ASCC3: variants seen among roughly 807,000 people sequenced by gnomAD.
The protein encoded by ASCC3 is activating signal cointegrator 1 complex subunit 3.
A neutral mutation model predicts 256.3 loss-of-function variants in ASCC3; 158 were observed. That is an observed-to-expected ratio of 0.62 (90% CI 0.54 to 0.70). ASCC3 has a LOEUF of 0.70. ASCC3 is among the 30% of genes least tolerant of loss of function. ASCC3 has a pLI of 0.00. For synonymous variants in ASCC3, 948 were observed against 883.4 expected, an observed-to-expected ratio of 1.07 and a Z score of -1.30; for missense variants, 2,259 against 2,626.0, an observed-to-expected ratio of 0.86 and a Z score of 3.05.
At chr6:100,824,567 T>C (rs1362810317) in intron 4 of ASCC3, among the ~76,000 whole-genome samples, 1 of 152,162 alleles carries the variant, frequency 6.6e-6, no homozygotes, top group Non-Finnish European at 1.5e-5. Context: ...GTCAGGCAGA[T>C]TATGGAATTA....
chr6:100,753,405 A>G (rs1362566160), intron 10 of ASCC3, among the ~76,000 whole-genome samples: 2 of 151,968 alleles, frequency 1.3e-5, no homozygotes, highest in African/African-American at 4.8e-5. Context: ...TTAGCATCCA[A>G]TGAAAAAAAC....
At chr6:100,515,787 G>C (rs1773992426) in intron 39 of ASCC3, among the ~76,000 whole-genome samples, 1 of 152,168 alleles carries the variant, frequency 6.6e-6, no homozygotes, top group African/African-American at 2.4e-5. Flanking sequence ...TGAAGAGAGG[G>C]AGTAGAAGGC....
At chr6:100,639,773 C>A (rs544475405) in intron 24 of ASCC3, among the ~76,000 whole-genome samples, 5 of 152,104 alleles carry the variant, frequency 3.3e-5, no homozygotes, top group Admixed American at 3.3e-4. Flanking sequence ...TGAGGGCTAA[C>A]GACATACTTT....
intron 8 of ASCC3, among the ~76,000 whole-genome samples, chr6:100,767,554 G>A (rs1238437041): frequency 2.0e-5 from 3 of 152,070 alleles, no homozygotes; most frequent in Non-Finnish European, 2.9e-5. Context: ...ATGGCAACTC[G>A]ATAAATTTGA....
chr6:100,542,714 C>T (rs1235109739), intron 36 of ASCC3, among the ~76,000 whole-genome samples: 1 of 151,418 alleles, frequency 6.6e-6, no homozygotes, highest in Non-Finnish European at 1.5e-5. Flanking sequence ...AAAAGAAAAA[C>T]AACTGTCAAT....
chr6:100,526,923 T>C lies in ASCC3; in HGVS notation c.5776-8781A>G, dbSNP rs75954891. ...ACATTAATACTTACAATAAGTAAAC[T>C]ACATTTGTTTGTGGATAATTCAGAT... On this transcript the variant is annotated intron_variant, in intron 37 of 41. Coordinates refer to ENST00000369162, the MANE Select transcript of ASCC3 (RefSeq NM_006828.4). Among the ~76,000 whole-genome samples, 806 of 152,298 alleles carry C rather than the reference T, an allele frequency of 5.3e-3. 9 individuals are homozygous for C. Among genetic ancestry groups the C allele is most frequent in the African/African-American group, 0.019 (775 of 41,570 alleles).
chr6:100,738,180 C>G (rs751557464), intron 10 of ASCC3, among the ~76,000 whole-genome samples: 13 of 152,190 alleles, frequency 8.5e-5, no homozygotes, highest in Non-Finnish European at 1.8e-4. Flanking sequence ...TCCATTCACT[C>G]TGAAAATAGT....
intron 8 of ASCC3, among the ~76,000 whole-genome samples, chr6:100,781,807 T>C (rs998508768): frequency 3.3e-5 from 5 of 152,032 alleles, no homozygotes; most frequent in African/African-American, 1.2e-4. Flanking sequence ...TAGCATATCA[T>C]GGAATTTCCC....
intron 2 of ASCC3, among the ~76,000 whole-genome samples, chr6:100,865,514 GCTA>G (rs772671196): frequency 5.3e-5 from 8 of 152,040 alleles, no homozygotes; most frequent in Non-Finnish European, 1.2e-4. Context: ...ATGTAAAACA[GCTA>G]CTATTGAAAA....
intron 36 of ASCC3, among the ~76,000 whole-genome samples, chr6:100,559,205 T>C (rs1769793623): frequency 6.6e-6 from 1 of 152,188 alleles, no homozygotes; most frequent in African/African-American, 2.4e-5. Context: ...ACTTCTTTTT[T>C]GGCATTGCAA....
In ASCC3 at chr6:100,718,157, T is replaced by C. The variant is rs145862373; in HGVS notation, c.1997A>G (p.Tyr666Cys). The C allele has an allele frequency of 1.5e-5, 25 of 1,613,632 alleles. No homozygotes were observed. The African/African-American group carries it at 3.3e-4, about 22-fold the overall frequency. The change falls in exon 12 of 42, where the codon TAC (tyrosine) becomes TGC (cysteine). Residue 666 changes from tyrosine (Y) to cysteine (C), a missense_variant. Transcript: ENST00000369162. ...GCCATCAAAGAAGAAAAGTCCAATG[T>C]ATGGATTAACATGTAAAAATGTGGC... Reference protein sequence around the residue: ...DVATFLHVNPYIGLFFFDGRF... With the variant: ...DVATFLHVNPCIGLFFFDGRF...
At chr6:100,808,094 G>A (rs991379524) in intron 4 of ASCC3, among the ~76,000 whole-genome samples, 1 of 151,826 alleles carries the variant, frequency 6.6e-6, no homozygotes, top group Non-Finnish European at 1.5e-5. Flanking sequence ...TTGAAAAACT[G>A]TATCCACCAC....
At chr6:100,777,088 G>A (rs1562289720) in intron 8 of ASCC3, among the ~76,000 whole-genome samples, 2 of 151,934 alleles carry the variant, frequency 1.3e-5, no homozygotes. Flanking sequence ...ATCTACGTAA[G>A]TCACGAGATT....
intron 36 of ASCC3, among the ~76,000 whole-genome samples, chr6:100,579,583 A>G (rs1199769279): frequency 1.3e-5 from 2 of 152,074 alleles, no homozygotes; most frequent in Non-Finnish European, 2.9e-5. Flanking sequence ...TCCCAGCACC[A>G]TTTATTGAAT....
At position 100,535,727 on chromosome 6, in the gene ASCC3, A is replaced by G. The variant is rs1421098077; in HGVS notation, c.5775+4436T>C. Reference sequence around the variant, plus strand: ...TGTGATCCACCTGGCTTGGCCTCCCAAAGTGCTGGGATTATAGGCATGAGC... The same window carrying G: ...TGTGATCCACCTGGCTTGGCCTCCCGAAGTGCTGGGATTATAGGCATGAGC... On this transcript the variant is annotated intron_variant, in intron 37 of 41. Transcript: ENST00000369162. Among the ~76,000 whole-genome samples the G allele has an allele frequency of 3.9e-5, 6 of 152,224 alleles. No homozygotes were observed. The East Asian group carries it at 1.2e-3, about 30-fold the overall frequency.
intron 4 of ASCC3, among the ~76,000 whole-genome samples, chr6:100,811,060 T>C (rs1770443565): frequency 6.6e-6 from 1 of 152,098 alleles, no homozygotes; most frequent in Non-Finnish European, 1.5e-5. Context: ...CCCCCGCCCA[T>C]ACTAAAGTCA....
At chr6:100,588,862 G>C (rs1771841839) in intron 36 of ASCC3, among the ~76,000 whole-genome samples, 1 of 151,982 alleles carries the variant, frequency 6.6e-6, no homozygotes, top group African/African-American at 2.4e-5. Flanking sequence ...TATAAGAGAA[G>C]GACTTTAAAG....
intron 36 of ASCC3, among the ~76,000 whole-genome samples, chr6:100,586,341 T>C (rs1000750370): frequency 1.3e-5 from 2 of 152,162 alleles, no homozygotes; most frequent in African/African-American, 4.8e-5. Context: ...CTCAGACTGC[T>C]GTGCTAGCAA....
At chr6:100,691,135 AGCAAAAATACAAGTAGTCATATTTCT>A (rs1464760388) in intron 13 of ASCC3, among the ~76,000 whole-genome samples, 3 of 152,092 alleles carry the variant, frequency 2.0e-5, no homozygotes, top group Non-Finnish European at 4.4e-5. Context: ...GTACCATGAC[AGCAAAAATACAAGTAGTCATATTTCT>A]AAGCCAACTA....
Sources: gnomAD v4.1 joint callset for allele counts (sites outside exome capture counted in the v4.1 genomes callset) on GRCh38, gnomAD v4.1.1 for gene constraint, MANE v1.5 for transcripts, NCBI Gene and HGNC (gene_info 2026-07-23, HGNC 2026-07-21) for gene names.